Variants in PLEKHA7 observed in about 807,000 individuals in gnomAD.
PLEKHA7 encodes pleckstrin homology domain containing A7, also known as pleckstrin homology domain-containing family A member 7.
A neutral mutation model predicts 170.0 loss-of-function variants in PLEKHA7; 104 were observed. The observed-to-expected ratio is 0.61, with a 90% CI of 0.52 to 0.72. PLEKHA7 has a LOEUF of 0.72. Ranked by LOEUF, PLEKHA7 falls within the 30% of genes least tolerant of loss-of-function variation. The pLI is 0.00. For synonymous variants in PLEKHA7, 648 were observed against 660.8 expected (o/e 0.98, Z 0.30); for missense variants, 1,615 against 1,671.7 (o/e 0.97, Z 0.59).
chr11:16,878,584 C>A (rs1283331607), intron 3 of PLEKHA7, among the ~76,000 whole-genome samples: 1 of 152,198 alleles, frequency 6.6e-6, no homozygotes, highest in Non-Finnish European at 1.5e-5. Flanking sequence ...GCTGTCCTTG[C>A]AGCCTGGATG....
chr11:16,905,185 G>C (rs177546), intron 3 of PLEKHA7, among the ~76,000 whole-genome samples: 19,395 of 152,176 alleles, frequency 0.13, 1,313 homozygotes, highest in Admixed American at 0.17. Flanking sequence ...CTGGGAAATC[G>C]AGGGTGCAGT....
intron 3 of PLEKHA7, among the ~76,000 whole-genome samples, chr11:16,885,267 T>C (rs985106616): frequency 4.6e-5 from 7 of 151,020 alleles, no homozygotes; most frequent in Admixed American, 3.3e-4. Flanking sequence ...GTGGCAGAGG[T>C]TGCAGCGAGC....
At chr11:16,876,640 G>A (rs774116309) in intron 3 of PLEKHA7, among the ~76,000 whole-genome samples, 11 of 152,206 alleles carry the variant, frequency 7.2e-5, no homozygotes, top group Non-Finnish European at 1.5e-4. Flanking sequence ...AAATACAAAA[G>A]ACTTGATAAG....
At chr11:16,801,568 T>C in intron 16 of PLEKHA7, 100 bp downstream of exon 16, 1 of 1,447,462 alleles carries the variant, frequency 6.9e-7, no homozygotes, top group Non-Finnish European at 9.4e-7. Context: ...TTCAGGACTC[T>C]TGCCTCTGGA....
At chr11:16,942,816 T>G (rs1386881505) in intron 3 of PLEKHA7, among the ~76,000 whole-genome samples, 3 of 152,230 alleles carry the variant, frequency 2.0e-5, no homozygotes, top group African/African-American at 7.2e-5. Context: ...TTAGGCAACT[T>G]TCTTCTTGCC....
chr11:16,888,403 G>T (rs1012502876), intron 3 of PLEKHA7, among the ~76,000 whole-genome samples: 690 of 152,376 alleles, frequency 4.5e-3, no homozygotes, highest in Middle Eastern at 0.02. Flanking sequence ...TGAGTAGACG[G>T]GGGGGAAATG....
rs35725815 is a variant in PLEKHA7 at position 16,982,780 on chromosome 11, T to TACACACACACAC, written c.221+31197_221+31208dup. Among the ~76,000 whole-genome samples the TACACACACACAC allele has an allele frequency of 9.2e-3, 1,328 of 144,102 alleles. 21 individuals carry two copies. Among genetic ancestry groups the TACACACACACAC allele is most frequent in the African/African-American group, 0.03 (1,143 of 38,322 alleles). The allele number at this position is 144,102 out of a possible 152,430, so 94.5% of individuals were successfully genotyped here. A position where few individuals can be genotyped will look rare whatever the true frequency, so the allele number is the denominator to read the frequency against. On this transcript the variant is annotated intron_variant, in intron 3 of 26. Coordinates refer to ENST00000531066, the MANE Select transcript of PLEKHA7 (RefSeq NM_001329630.2). ...AGACTTCACCTCCCTCACTATCCCCTACACACACACACACACACACACACA... is the reference window on the plus strand; with the variant it reads ...AGACTTCACCTCCCTCACTATCCCCTACACACACACACACACACACACACACACACACACACA...
intron 9 of PLEKHA7, among the ~76,000 whole-genome samples, chr11:16,834,091 A>ACCT (rs1564983112): frequency 2.0e-5 from 3 of 151,602 alleles, no homozygotes; most frequent in African/African-American, 7.3e-5. Flanking sequence ...ACTCACTACA[A>ACCT]CCTCCTCCTC....
chr11:16,967,987 G>C (rs944015505), intron 3 of PLEKHA7, among the ~76,000 whole-genome samples: 42 of 152,142 alleles, frequency 2.8e-4, no homozygotes, highest in African/African-American at 9.4e-4. Flanking sequence ...AGGGCATATA[G>C]GAAAGTGAGG....
intron 3 of PLEKHA7, among the ~76,000 whole-genome samples, chr11:16,989,226 C>T (rs1230169561): frequency 6.6e-6 from 1 of 152,200 alleles, no homozygotes; most frequent in East Asian, 1.9e-4. Flanking sequence ...AAGGACAAAA[C>T]TCATTCTCTT....
chr11:16,931,232 C>A (rs984331063), intron 3 of PLEKHA7, among the ~76,000 whole-genome samples: 1 of 152,092 alleles, frequency 6.6e-6, no homozygotes, highest in African/African-American at 2.4e-5. Flanking sequence ...TTCAGGGGCG[C>A]ACCACCAGAG....
intron 3 of PLEKHA7, among the ~76,000 whole-genome samples, chr11:16,949,951 A>T (rs185332154): frequency 6.6e-6 from 1 of 151,826 alleles, no homozygotes; most frequent in East Asian, 1.9e-4. Context: ...TACAAGGGGC[A>T]TGGGAATTAG....
chr11:16,783,378 G>A (rs1033430829), intron 25 of PLEKHA7, among the ~76,000 whole-genome samples: 46 of 152,220 alleles, frequency 3.0e-4, no homozygotes, highest in African/African-American at 1.1e-3. Flanking sequence ...CACTGGAGCT[G>A]ATCTCCAACG....
rs1848800218 is a variant in PLEKHA7, at chr11:16,778,481, T to TG, written c.*516_*517insC. 1 of 173,808 alleles carries TG rather than the reference T, an allele frequency of 5.8e-6. No homozygotes were observed. The highest frequency in any genetic ancestry group is 1.3e-4 in the South Asian group (1 of 7,846). The allele number at this position is 173,808 out of a possible 1,614,324, so 10.8% of individuals were successfully genotyped here. A position where few individuals can be genotyped will look rare whatever the true frequency, so the allele number is the denominator to read the frequency against. ...GTCATCAGGTCAGGGACAGCTGATC[T>TG]CTGCAGCCAAGGGCCCCTCTTCTCC... On this transcript the variant is annotated 3_prime_UTR_variant, in exon 27 of 27. Transcript: ENST00000531066.
intron 10 of PLEKHA7, among the ~76,000 whole-genome samples, chr11:16,822,242 C>T (rs1850279304): frequency 6.6e-6 from 1 of 152,130 alleles, no homozygotes; most frequent in South Asian, 2.1e-4. Context: ...TTCTGTGCCC[C>T]TGCCACAAAG....
chr11:16,893,182 C>A (rs1270195389), intron 3 of PLEKHA7, among the ~76,000 whole-genome samples: 2 of 152,184 alleles, frequency 1.3e-5, no homozygotes. Context: ...GGAACTCAGG[C>A]ATAGGATAGG....
At chr11:17,011,174 G>C (rs1404090350) in intron 3 of PLEKHA7, among the ~76,000 whole-genome samples, 1 of 152,176 alleles carries the variant, frequency 6.6e-6, no homozygotes, top group African/African-American at 2.4e-5. Context: ...CCAGCCCAAG[G>C]CTGCACCTGG....
chr11:17,009,510 T>C (rs948417246), intron 3 of PLEKHA7, among the ~76,000 whole-genome samples: 1 of 152,318 alleles, frequency 6.6e-6, no homozygotes, highest in South Asian at 2.1e-4. Context: ...TATATAATTA[T>C]TACTACTATT....
chr11:16,802,274 T>C (rs1222566356), intron 15 of PLEKHA7, among the ~76,000 whole-genome samples: 2 of 152,222 alleles, frequency 1.3e-5, no homozygotes, highest in African/African-American at 4.8e-5. Flanking sequence ...GGCACTCCCA[T>C]CCAGACTTGC....
Sources: gnomAD v4.1 joint callset for allele counts (sites outside exome capture counted in the v4.1 genomes callset) on GRCh38, gnomAD v4.1.1 for gene constraint, MANE v1.5 for transcripts, NCBI Gene and HGNC (gene_info 2026-07-23, HGNC 2026-07-21) for gene names.